The following ALK variants were observed in gnomAD, a reference collection of about 807,000 sequenced individuals.
ALK encodes the protein ALK tyrosine kinase receptor.
Under a neutral mutation model 163.1 loss-of-function variants are expected in ALK, and 74 were observed. The ratio of observed to expected loss-of-function variants is 0.45; its 90% CI spans 0.38 to 0.55. ALK has a LOEUF of 0.55. ALK is among the 20% of genes least tolerant of loss of function. The probability of loss-of-function intolerance (pLI) is 0.00; values close to 1 mark genes in which losing one functional copy is unlikely to be tolerated. For missense variants in ALK, 2,063 were observed against 2,105.3 expected (o/e 0.98, Z 0.39); for synonymous variants, 960 against 843.2 (o/e 1.14, Z -2.40).
chr2:29,550,874 CT>C (rs1278837924), intron 3 of ALK, among the ~76,000 whole-genome samples: 2 of 152,064 alleles, frequency 1.3e-5, no homozygotes, highest in East Asian at 3.9e-4. Context: ...ATATTTTTTT[CT>C]CTTATTCTTT....
At chr2:29,358,782 G>C (rs1188879914) in intron 5 of ALK, among the ~76,000 whole-genome samples, 1 of 152,130 alleles carries the variant, frequency 6.6e-6, no homozygotes, top group Non-Finnish European at 1.5e-5. Flanking sequence ...TCACTTCTCT[G>C]CTTCCACAGC....
chr2:29,835,025 A>T (rs903930573), intron 1 of ALK, among the ~76,000 whole-genome samples: 14 of 152,360 alleles, frequency 9.2e-5, no homozygotes, highest in South Asian at 4.1e-4. Context: ...AAGCCAAATA[A>T]AAAGGCAGCA....
intron 5 of ALK, among the ~76,000 whole-genome samples, chr2:29,344,419 A>G (rs1341438870): frequency 6.6e-6 from 1 of 152,186 alleles, no homozygotes; most frequent in East Asian, 1.9e-4. Context: ...TCATGGATAC[A>G]TCTGGCCTTG....
chr2:29,573,274 T>C (rs1200310674), intron 3 of ALK, among the ~76,000 whole-genome samples: 1 of 152,210 alleles, frequency 6.6e-6, no homozygotes, highest in Non-Finnish European at 1.5e-5. Context: ...GATATAGTTA[T>C]GCGTTGGTTT....
intron 5 of ALK, among the ~76,000 whole-genome samples, chr2:29,345,863 G>A (rs1205110789): frequency 6.6e-6 from 1 of 152,076 alleles, no homozygotes; most frequent in Non-Finnish European, 1.5e-5. Flanking sequence ...CAAGCCCAAT[G>A]CACCTGTATC....
At chr2:29,833,765 T>C (rs1211274111) in intron 1 of ALK, among the ~76,000 whole-genome samples, 1 of 152,250 alleles carries the variant, frequency 6.6e-6, no homozygotes, top group Non-Finnish European at 1.5e-5. Flanking sequence ...GGAGCCCAGG[T>C]CTACCCTGTA....
At chr2:29,622,989 C>T (rs921712768) in intron 3 of ALK, among the ~76,000 whole-genome samples, 4 of 152,314 alleles carry the variant, frequency 2.6e-5, no homozygotes, top group South Asian at 4.1e-4. Context: ...CAATGTGAGA[C>T]GCGGTCCCTG....
intron 5 of ALK, among the ~76,000 whole-genome samples, chr2:29,330,092 C>T (rs930551286): frequency 6.6e-6 from 1 of 152,200 alleles, no homozygotes; most frequent in African/African-American, 2.4e-5. Flanking sequence ...GTCCACCCTG[C>T]CTCCTACTGG....
chr2:29,257,472 T>TA (rs370360988), intron 11 of ALK, among the ~76,000 whole-genome samples: 105 of 147,674 alleles, frequency 7.1e-4, no homozygotes, highest in Admixed American at 3.0e-3. Context: ...AGTACATCGC[T>TA]AAAAAAAAAA....
At chr2:29,223,314 C>T (rs781289051) in intron 20 of ALK, 28 bp downstream of exon 20, 2 of 1,613,318 alleles carry the variant, frequency 1.2e-6, no homozygotes, top group Non-Finnish European at 1.7e-6. Flanking sequence ...GCACCCCTCT[C>T]CTCCCAGGAC....
At chr2:29,502,080 C>T (rs1672203280) in intron 4 of ALK, among the ~76,000 whole-genome samples, 1 of 152,168 alleles carries the variant, frequency 6.6e-6, no homozygotes, top group South Asian at 2.1e-4. Flanking sequence ...GGACACTTAC[C>T]ATTTAACAAA....
intron 1 of ALK, among the ~76,000 whole-genome samples, chr2:29,728,631 CT>C (rs1175437487): frequency 6.6e-6 from 1 of 152,172 alleles, no homozygotes; most frequent in Non-Finnish European, 1.5e-5. Flanking sequence ...GAAGCTGATG[CT>C]TGCACTGAGG....
At chr2:29,671,742 T>C (rs1036698891) in intron 3 of ALK, among the ~76,000 whole-genome samples, 2 of 152,102 alleles carry the variant, frequency 1.3e-5, no homozygotes, top group East Asian at 1.9e-4. Context: ...CTGATCCTCA[T>C]GTTTGAATTT....
At chr2:29,752,304 C>T (rs1680388039) in intron 1 of ALK, among the ~76,000 whole-genome samples, 1 of 150,598 alleles carries the variant, frequency 6.6e-6, no homozygotes, top group Non-Finnish European at 1.5e-5. Context: ...TGTTTGGTAG[C>T]TTACGTGTAT....
At chr2:29,809,380 T>C (rs1248247954) in intron 1 of ALK, among the ~76,000 whole-genome samples, 3 of 152,214 alleles carry the variant, frequency 2.0e-5, no homozygotes, top group Non-Finnish European at 2.9e-5. Flanking sequence ...CTGAATGTCA[T>C]CCTAATAGCA....
intron 3 of ALK, among the ~76,000 whole-genome samples, chr2:29,689,351 C>T (rs1678328408): frequency 6.6e-6 from 1 of 152,176 alleles, no homozygotes; most frequent in East Asian, 1.9e-4. Flanking sequence ...GAGGCTATAT[C>T]CTGAGAGAAT....
Position 29,223,442 on chromosome 2 carries a change from T to C in ALK, c.3259A>G (p.Thr1087Ala), listed in dbSNP as rs776229060. The C allele has an allele frequency of 6.2e-7, 1 of 1,614,166 alleles. No individual in the cohort carries two copies. The highest frequency in any genetic ancestry group is 8.5e-7 in the Non-Finnish European group (1 of 1,180,032). The stretch of plus-strand genomic sequence containing the variant: ...TTGGGGTTGTAGTCGGTCATGATGG[T>C]CGAGGTGCGGAGCTTGCTCAGCTTG... ...EYKLSKLRTS[T>A]IMTDYNPNYC... is the part of the protein sequence containing the mutation. The change falls in exon 20 of 29, where the codon ACC (threonine) becomes GCC (alanine). Residue 1087 changes from threonine to alanine, a missense_variant. Physicochemically the swap from Thr to Ala is moderately conservative, Grantham distance 58. This residue lies in a region of ALK where 575 missense variants were observed against 626.6 expected (regional missense o/e 0.92). Transcript: ENST00000389048.
At chr2:29,380,198 T>G (rs1668861691) in intron 5 of ALK, among the ~76,000 whole-genome samples, 1 of 151,202 alleles carries the variant, frequency 6.6e-6, no homozygotes, top group Non-Finnish European at 1.5e-5. Flanking sequence ...CTCTGCCTCC[T>G]GGGTTCAAGT....
At chr2:29,458,539 T>C (rs897682797) in intron 4 of ALK, among the ~76,000 whole-genome samples, 1 of 152,166 alleles carries the variant, frequency 6.6e-6, no homozygotes, top group Admixed American at 6.5e-5. Flanking sequence ...ATCTTGCAAA[T>C]GCCTTCAACA....
Sources: gnomAD v4.1 joint callset for allele counts (sites outside exome capture counted in the v4.1 genomes callset) on GRCh38, gnomAD v4.1.1 for gene constraint, gnomAD v4.1.1 regional missense constraint, MANE v1.5 for transcripts, NCBI Gene and HGNC (gene_info 2026-07-23, HGNC 2026-07-21) for gene names.